Variants in LRRC1 observed in about 807,000 individuals in gnomAD.
LRRC1 encodes the protein leucine-rich repeat-containing protein 1.
Under a neutral mutation model 69.9 loss-of-function variants are expected in LRRC1, and 28 were observed. The observed-to-expected ratio is 0.40, with a 90% CI of 0.30 to 0.55. LRRC1 has a LOEUF of 0.55. Among genes scored for constraint, LRRC1 ranks in the 20% least tolerant of loss-of-function variants. The pLI is 0.47. For missense variants in LRRC1, 498 were observed against 609.0 expected, an observed-to-expected ratio of 0.82 and a Z score of 1.92; for synonymous variants, 236 against 240.2, an observed-to-expected ratio of 0.98 and a Z score of 0.16.
intron 4 of LRRC1, among the ~76,000 whole-genome samples, chr6:53,887,517 A>C (rs1235788728): frequency 6.6e-6 from 1 of 151,458 alleles, no homozygotes; most frequent in Non-Finnish European, 1.5e-5. Flanking sequence ...CTGTCTCATG[A>C]CACCCTTCCT....
At chr6:53,921,754 G>A (rs1768749629) in intron 13 of LRRC1, among the ~76,000 whole-genome samples, 1 of 152,128 alleles carries the variant, frequency 6.6e-6, no homozygotes, top group Non-Finnish European at 1.5e-5. Flanking sequence ...TTAAATTATT[G>A]CCTATAGTCT....
intron 1 of LRRC1, among the ~76,000 whole-genome samples, chr6:53,805,625 A>C (rs1764615697): frequency 6.6e-6 from 1 of 152,206 alleles, no homozygotes; most frequent in African/African-American, 2.4e-5. Flanking sequence ...TCATCTGTAA[A>C]AAGAAGGTAA....
At chr6:53,798,923 A>G (rs1764382897) in intron 1 of LRRC1, among the ~76,000 whole-genome samples, 1 of 152,228 alleles carries the variant, frequency 6.6e-6, no homozygotes, top group African/African-American at 2.4e-5. Context: ...GTTTTGTCCT[A>G]CTTGCCCTGC....
At chr6:53,863,866 A>G (rs1766610067) in intron 2 of LRRC1, among the ~76,000 whole-genome samples, 1 of 152,248 alleles carries the variant, frequency 6.6e-6, no homozygotes, top group Admixed American at 6.5e-5. Context: ...ATAATCTCAG[A>G]TTAAACAACA....
chr6:53,863,949 G>A (rs1766613075), intron 2 of LRRC1, among the ~76,000 whole-genome samples: 2 of 152,094 alleles, frequency 1.3e-5, no homozygotes, highest in Admixed American at 1.3e-4. Context: ...TTTGCCAACT[G>A]TGAATACTGT....
intron 1 of LRRC1, among the ~76,000 whole-genome samples, chr6:53,835,688 T>C (rs1209991256): frequency 6.6e-6 from 1 of 152,222 alleles, no homozygotes; most frequent in Non-Finnish European, 1.5e-5. Context: ...TTTTCATATA[T>C]AAAGAATCTT....
At position 53,922,792 on chromosome 6, in the gene LRRC1, A is replaced by G; in HGVS notation, c.1574A>G (p.Ter525TrpextTer31). The G allele has an allele frequency of 6.2e-7, 1 of 1,611,614 alleles. No homozygotes were observed. The highest frequency in any genetic ancestry group is 8.5e-7 in the Non-Finnish European group (1 of 1,178,430). The stretch of plus-strand genomic sequence containing the variant: ...ATTGACCGAGTGACCACTTCTGTGT[A>G]GAGTTTCACCTCCAAGTTTTACCTC... ...HAIDRVTTSV[*>W] The change falls in exon 14 of 14, where the codon TAG becomes TGG. Residue 525 changes from the stop codon to tryptophan, a stop_lost. Coordinates refer to ENST00000370888, the MANE Select transcript of LRRC1 (RefSeq NM_018214.5).
chr6:53,920,791 G>C, intron 13 of LRRC1, 30 bp downstream of exon 13: 1 of 1,612,966 alleles, frequency 6.2e-7, no homozygotes, highest in Non-Finnish European at 8.5e-7. Flanking sequence ...TTGCCTCTGT[G>C]GAAGTTCAAA....
intron 2 of LRRC1, among the ~76,000 whole-genome samples, chr6:53,877,793 A>G (rs1238406670): frequency 6.6e-6 from 1 of 152,188 alleles, no homozygotes; most frequent in African/African-American, 2.4e-5. Context: ...ATCTCTAGGA[A>G]GTTCCAAACT....
chr6:53,858,627 T>C (rs947425759), intron 2 of LRRC1, among the ~76,000 whole-genome samples: 1 of 152,228 alleles, frequency 6.6e-6, no homozygotes, highest in African/African-American at 2.4e-5. Flanking sequence ...TTGGGACCAT[T>C]GTTTCCATCC....
chr6:53,800,863 T>C (rs4276502), intron 1 of LRRC1, among the ~76,000 whole-genome samples: 129,203 of 152,094 alleles, frequency 0.85, 54,961 homozygotes, highest in East Asian at 0.96. Flanking sequence ...TGGTCTCAAA[T>C]TCGTGACCTC....
chr6:53,855,506 G>T (rs973826902), intron 2 of LRRC1, among the ~76,000 whole-genome samples: 32 of 152,312 alleles, frequency 2.1e-4, no homozygotes, highest in African/African-American at 7.7e-4. Context: ...AAGTCTCTCT[G>T]CAGAGGCCGA....
intron 8 of LRRC1, among the ~76,000 whole-genome samples, chr6:53,900,283 C>T (rs947257561): frequency 2.6e-5 from 4 of 152,020 alleles, no homozygotes; most frequent in African/African-American, 4.8e-5. Flanking sequence ...GTGATCCGCC[C>T]GCCTCCGCCT....
chr6:53,916,253 G>C (rs577458489), intron 11 of LRRC1, among the ~76,000 whole-genome samples: 2 of 152,328 alleles, frequency 1.3e-5, no homozygotes, highest in African/African-American at 4.8e-5. Flanking sequence ...AGTGTTAGTA[G>C]TACTGAATAT....
Position 53,897,298 on chromosome 6 carries a change from G to T in LRRC1, c.581G>T (p.Gly194Val). ...CTTTTGTTTTAGCCAGAATCAATTG[G>T]AGCCCTCTTACATCTAAAAGATCTC... ...NEIYNLPESI[G>V]ALLHLKDLWL... The change falls in exon 7 of 14, where the codon GGA (glycine) becomes GTA (valine). Residue 194 changes from glycine to valine, a missense_variant. Physicochemically the swap from Gly to Val is moderately radical, Grantham distance 109. Around this residue, in one of 3 missense-constraint regions of LRRC1, gnomAD observed 266 missense variants for 383.9 expected, o/e 0.69. Transcript: ENST00000370888. 6.2e-7 allele frequency: 1 copy of T among 1,610,674 alleles called. No individual in the cohort carries two copies.
intron 11 of LRRC1, among the ~76,000 whole-genome samples, chr6:53,914,758 A>G (rs1768514798): frequency 6.6e-6 from 1 of 152,104 alleles, no homozygotes; most frequent in Non-Finnish European, 1.5e-5. Context: ...TCTCTTCTTC[A>G]TCACTCAAGC....
At chr6:53,857,821 C>G (rs1766361590) in intron 2 of LRRC1, among the ~76,000 whole-genome samples, 1 of 152,228 alleles carries the variant, frequency 6.6e-6, no homozygotes, top group African/African-American at 2.4e-5. Context: ...AGGCTTGAAA[C>G]ATATCCACAA....
rs533099654 is a variant in LRRC1, at chr6:53,879,145, C to A, written c.356+74C>A. 4 of 980,334 alleles carry A rather than the reference C, an allele frequency of 4.1e-6. No individual in the cohort carries two copies. In the South Asian group the frequency reaches 5.5e-5, roughly 14 times the overall value. The allele number at this position is 980,334 out of a possible 1,614,324, so 60.7% of individuals were successfully genotyped here. On this transcript the variant is annotated intron_variant, in intron 3 of 13. Transcript: ENST00000370888. ...TTGAGAGCCAAGCGGAGAACACAGTCAGGTTAACCATCTTGGAGGTACCTA... is the reference window on the plus strand; with the variant it reads ...TTGAGAGCCAAGCGGAGAACACAGTAAGGTTAACCATCTTGGAGGTACCTA...
intron 1 of LRRC1, among the ~76,000 whole-genome samples, chr6:53,821,451 C>T (rs1328680033): frequency 2.0e-5 from 3 of 151,626 alleles, no homozygotes; most frequent in South Asian, 4.2e-4. Context: ...TTTTGAAGGC[C>T]CTGAAAAGTA....
Sources: gnomAD v4.1 joint callset for allele counts (sites outside exome capture counted in the v4.1 genomes callset) on GRCh38, gnomAD v4.1.1 for gene constraint, gnomAD v4.1.1 regional missense constraint, MANE v1.5 for transcripts, NCBI Gene and HGNC (gene_info 2026-07-23, HGNC 2026-07-21) for gene names.